COL18A1: variants seen among roughly 807,000 people sequenced by gnomAD.
The protein encoded by COL18A1 is collagen alpha-1(XVIII) chain.
Under a neutral mutation model 168.0 loss-of-function variants are expected in COL18A1, and 133 were observed. The ratio of observed to expected loss-of-function variants is 0.79; its 90% CI spans 0.69 to 0.91. COL18A1 has a LOEUF of 0.91. Among genes scored for constraint, COL18A1 ranks in the 40% least tolerant of loss-of-function variants. The probability of loss-of-function intolerance (pLI) is 0.00; values close to 1 mark genes in which losing one functional copy is unlikely to be tolerated. For missense variants in COL18A1, 2,126 were observed against 1,925.4 expected (o/e 1.10, Z -1.95); for synonymous variants, 949 against 809.0 (o/e 1.17, Z -2.94).
rs1441835575 is a variant in COL18A1 at position 45,484,316 on chromosome 21, TACATGCACAC to T, written c.1701+1509_1701+1518del. On this transcript the variant is annotated intron_variant, in intron 15 of 41. Transcript: ENST00000651438. ...TATGTGCACACACACACCTCCAGCA[TACATGCACAC>T]ACATGCACACACACATCTCCAGCAT... is the stretch of plus-strand genomic sequence containing the variant. 1.2e-4 allele frequency among the ~76,000 whole-genome samples: 14 copies of T among 121,728 alleles called. No homozygotes were observed. In the East Asian group the frequency reaches 1.6e-3, roughly 14 times the overall value. 79.9% of individuals were successfully genotyped at this position (121,728 alleles called of 152,430 possible). A position where few individuals can be genotyped will look rare whatever the true frequency, so the allele number is the denominator to read the frequency against.
intron 17 of COL18A1, among the ~76,000 whole-genome samples, 171 bp from the exon 18 acceptor site, chr21:45,488,247 T>G (rs187372477): frequency 6.6e-6 from 1 of 152,392 alleles, no homozygotes; most frequent in African/African-American, 2.4e-5. Context: ...AGGCAGAAAC[T>G]AATTGATTCC....
intron 32 of COL18A1, 88 bp downstream of exon 32, chr21:45,497,749 G>C: frequency 6.5e-7 from 1 of 1,527,222 alleles, no homozygotes. Flanking sequence ...ACCACAAGCA[G>C]GTCCTGGACC....
chr21:45,497,659 C>A lies in COL18A1; in HGVS notation c.2681C>A (p.Pro894Gln). ...AKGEVGPPGP[P>Q]GQFPFDFLQL... The stretch of plus-strand genomic sequence containing the variant: ...GGAGAAGTGGGCCCCCCCGGACCAC[C>A]AGGTGAGCAACTCTGGACATCCCAG... Residue 894 changes from proline (P) to glutamine (Q), a missense_variant and splice_region_variant, in exon 32 of 42, where the codon CCA becomes CAA. Transcript: ENST00000651438. 6.4e-7 allele frequency: 1 copy of A among 1,566,250 alleles called. No individual in the cohort carries two copies. The highest frequency in any genetic ancestry group is 8.7e-7 in the Non-Finnish European group (1 of 1,155,898).
intron 13 of COL18A1, 152 bp downstream of exon 13, chr21:45,481,010 C>G (rs2035873026): frequency 1.7e-6 from 2 of 1,192,514 alleles, no homozygotes; most frequent in Non-Finnish European, 1.2e-6. Context: ...CAGTTGCTGA[C>G]TCGGGGCCAC....
rs140191787 is a variant in COL18A1, at chr21:45,471,433, A to G, written c.652-2462A>G. ...GTGACTCATAATTTTTGGCAGAAAC[A>G]AGCACAGAGCTTTGGGAGCAGGGAG... On this transcript the variant is annotated intron_variant, in intron 3 of 41. Transcript: ENST00000651438. The surrounding 1 kb of genome is among the most constrained non-coding windows in gnomAD (Gnocchi z 4.4). Among the ~76,000 whole-genome samples, 1 of 152,176 alleles carries G rather than the reference A, an allele frequency of 6.6e-6. No homozygotes were observed. The highest frequency in any genetic ancestry group is 1.5e-5 in the Non-Finnish European group (1 of 68,020).
chr21:45,477,452 G>T lies in COL18A1; in HGVS notation c.970G>T (p.Gly324Trp). Residue 324 changes from glycine (G) to tryptophan (W), a missense_variant, in exon 7 of 42, where the codon GGG (glycine) becomes TGG (tryptophan). By Grantham distance (184) the Gly-to-Trp change is radical. Coordinates refer to ENST00000651438, the MANE Select transcript of COL18A1 (RefSeq NM_001379500.1). ...PGSDSVSTWD[G>W]SVRTPGGRVK... ...CTCAGATTCTGTCTCCACGTGGGAC[G>T]GGAGTGTCCGGACCCCTGGGGGCCG... 6.2e-7 allele frequency: 1 copy of T among 1,612,828 alleles called. No individual in the cohort carries two copies. Among genetic ancestry groups the T allele is most frequent in the Non-Finnish European group, 8.5e-7 (1 of 1,179,514 alleles).
At position 45,443,875 on chromosome 21, in the gene COL18A1, C is replaced by A. The variant is rs909108140; in HGVS notation, c.107-24367C>A. On this transcript the variant is annotated intron_variant, in intron 2 of 41. Transcript: ENST00000651438. The surrounding 1 kb of genome is among the most constrained non-coding windows in gnomAD (Gnocchi z 5.2). ...GATGCGTCCGAGGGACACTGGACAT[C>A]TGGTGGCCCTCCAGACTCCTAGGAA... 6.6e-6 allele frequency among the ~76,000 whole-genome samples: 1 copy of A among 152,176 alleles called. No individual in the cohort carries two copies. The highest frequency in any genetic ancestry group is 1.5e-5 in the Non-Finnish European group (1 of 68,016).
chr21:45,504,031 C>T lies in COL18A1; in HGVS notation c.2704C>T (p.Leu902Phe), dbSNP rs977272446. The change falls in exon 33 of 42, where the codon CTT (leucine) becomes TTT (phenylalanine). Residue 902 changes from leucine to phenylalanine, a missense_variant. By Grantham distance (22) the Leu-to-Phe change is conservative. Transcript: ENST00000651438. ...TGCAGGGCAGTTTCCGTTTGACTTTCTTCAGTTGGAGGCTGAAATGAAGGT... is the reference window on the plus strand; with the variant it reads ...TGCAGGGCAGTTTCCGTTTGACTTTTTTCAGTTGGAGGCTGAAATGAAGGT... The part of the protein sequence containing the change: ...GPPGQFPFDF[L>F]QLEAEMKGEK... 5.0e-6 allele frequency: 8 copies of T among 1,610,864 alleles called. No homozygotes were observed. The highest frequency in any genetic ancestry group is 1.1e-5 in the South Asian group (1 of 91,084).
intron 2 of COL18A1, chr21:45,455,367 A>G: frequency 4.1e-6 from 4 of 983,362 alleles, no homozygotes; most frequent in Non-Finnish European, 6.0e-6. Context: ...CCTTGATTCC[A>G]AGGCTGGTGC....
At chr21:45,419,319 CCGTGTAGTTACAT>C (rs2033549564) in intron 2 of COL18A1, among the ~76,000 whole-genome samples, 2 of 151,554 alleles carry the variant, frequency 1.3e-5, no homozygotes, top group Admixed American at 1.3e-4. Flanking sequence ...TGACGCAATG[CCGTGTAGTTACAT>C]GATGCTGTGT....
rs9653779 is a variant in COL18A1, at chr21:45,512,075, C to T, written c.3810-113C>T. ...TCCAGGTTGTGGGAGCCTCTGCAGCCCCCTGGTAACCCCAGGGCTGGCCTC... is the reference window on the plus strand; with the variant it reads ...TCCAGGTTGTGGGAGCCTCTGCAGCTCCCTGGTAACCCCAGGGCTGGCCTC... On this transcript the variant is annotated intron_variant, in intron 41 of 41. Transcript: ENST00000651438. The T allele has an allele frequency of 9.6e-3, 11,208 of 1,168,442 alleles. 114 individuals are homozygous for T. The highest frequency in any genetic ancestry group is 0.043 in the African/African-American group (2,813 of 65,564). 72.4% of individuals were successfully genotyped at this position (1,168,442 alleles called of 1,614,324 possible).
At chr21:45,431,633 C>T (rs2033966562) in intron 2 of COL18A1, among the ~76,000 whole-genome samples, 1 of 151,920 alleles carries the variant, frequency 6.6e-6, no homozygotes, top group African/African-American at 2.4e-5. Flanking sequence ...TGGACTCATT[C>T]TGACCGATTC....
intron 2 of COL18A1, among the ~76,000 whole-genome samples, chr21:45,419,065 G>A (rs1387427853): frequency 1.3e-5 from 2 of 152,228 alleles, no homozygotes; most frequent in African/African-American, 2.4e-5. Flanking sequence ...TGTCAGTGGC[G>A]GGTCAGGGAT....
chr21:45,417,794 A>G (rs2838913), intron 2 of COL18A1, among the ~76,000 whole-genome samples: 107,246 of 152,158 alleles, frequency 0.7, 37,989 homozygotes, highest in East Asian at 0.86. Flanking sequence ...TGCCACTCCC[A>G]TGAAGTGGTG....
intron 41 of COL18A1, among the ~76,000 whole-genome samples, chr21:45,511,596 G>A (rs2037611566): frequency 6.6e-6 from 1 of 152,104 alleles, no homozygotes; most frequent in African/African-American, 2.4e-5. Context: ...CCGAGCATGT[G>A]TGCCCTTAAA....
chr21:45,426,346 C>G (rs987269330), intron 2 of COL18A1, among the ~76,000 whole-genome samples: 8 of 152,192 alleles, frequency 5.3e-5, no homozygotes, highest in Non-Finnish European at 1.0e-4. Context: ...CTCAGGTGAT[C>G]CGCCTGCCTT....
intron 2 of COL18A1, among the ~76,000 whole-genome samples, chr21:45,436,870 T>C (rs1360262397): frequency 2.0e-5 from 1 of 51,144 alleles, no homozygotes; most frequent in Non-Finnish European, 3.7e-5. Context: ...GGGGAGTTGC[T>C]GGCTGGGGGG....
intron 2 of COL18A1, among the ~76,000 whole-genome samples, chr21:45,418,582 G>A (rs1487235749): frequency 6.6e-6 from 1 of 152,044 alleles, no homozygotes; most frequent in Non-Finnish European, 1.5e-5. Flanking sequence ...CTCACCGGCG[G>A]TTCCCACCTG....
chr21:45,445,883 C>T (rs2090275995), intron 2 of COL18A1, among the ~76,000 whole-genome samples: 1 of 152,106 alleles, frequency 6.6e-6, no homozygotes, highest in Non-Finnish European at 1.5e-5. Flanking sequence ...ATATCTTCTC[C>T]CATTCTGTGA....
Sources: allele counts gnomAD v4.1 joint callset (sites outside exome capture counted in the v4.1 genomes callset), GRCh38; gene constraint gnomAD v4.1.1; non-coding constraint Gnocchi (gnomAD v3.1); transcripts MANE v1.5; gene names NCBI Gene and HGNC (gene_info 2026-07-23, HGNC 2026-07-21).